PSMC2: variants seen among roughly 807,000 people sequenced by gnomAD.
PSMC2 encodes the protein 26S proteasome regulatory subunit 7.
PSMC2 carries 7 observed loss-of-function variants against 53.3 expected under a neutral mutation model. The observed-to-expected ratio is 0.13, with a 90% CI of 0.07 to 0.25. The LOEUF is 0.25. PSMC2 is among the 10% of genes least tolerant of loss of function. PSMC2 has a pLI of 1.00. For synonymous variants in PSMC2, 169 were observed against 183.9 expected, an observed-to-expected ratio of 0.92 and a Z score of 0.66; for missense variants, 241 against 544.0, an observed-to-expected ratio of 0.44 and a Z score of 5.54.
chr7:103,354,980 T>C (rs780870568), intron 3 of PSMC2, 31 bp downstream of exon 3: 4 of 1,386,204 alleles, frequency 2.9e-6, no homozygotes, highest in South Asian at 2.4e-5. Context: ...ATTTCCTTCC[T>C]TTAAATGTAA....
At chr7:103,353,664 T>C (rs1341322053) in intron 1 of PSMC2, among the ~76,000 whole-genome samples, 2 of 152,240 alleles carry the variant, frequency 1.3e-5, no homozygotes, top group Admixed American at 1.3e-4. Flanking sequence ...TTAATGGATG[T>C]GTTTTATGTA....
At position 103,366,280 on chromosome 7, in the gene PSMC2, CTG is replaced by C. The variant is rs1820714440; in HGVS notation, c.844+118_844+119del. On this transcript the variant is annotated intron_variant, in intron 9 of 11. Coordinates refer to ENST00000292644, the MANE Select transcript of PSMC2 (RefSeq NM_002803.4). Reference sequence around the variant, plus strand: ...TTTAACTCCAACTCTTCTATGAGCTCTGAAACAGTGGCGCCACAGATCTAATA... The same window carrying C: ...TTTAACTCCAACTCTTCTATGAGCTCAAACAGTGGCGCCACAGATCTAATA... 4.6e-6 allele frequency: 4 copies of C among 868,156 alleles called. No homozygotes were observed. The East Asian group carries it at 9.8e-5, about 21-fold the overall frequency. 53.8% of individuals were successfully genotyped at this position (868,156 alleles called of 1,614,324 possible).
In PSMC2 at chr7:103,367,672, T is replaced by C; in HGVS notation, c.1048-41T>C. 1 of 1,607,752 alleles carries C rather than the reference T, an allele frequency of 6.2e-7. No homozygotes were observed. The highest frequency in any genetic ancestry group is 1.7e-5 in the Admixed American group (1 of 58,864). On this transcript the variant is annotated intron_variant, in intron 10 of 11. Transcript: ENST00000292644. This position sits in a 1 kb window ranked among gnomAD's most constrained non-coding sequence, Gnocchi z 6.1. ...TTTTTGAAGTTTTTTCTTCCTGTGA[T>C]TTTTTTCCATTTTAATATTTGTCAA...
chr7:103,362,008 C>T lies in PSMC2; in HGVS notation c.342C>T (p.Asn114=), dbSNP rs146114386. The change falls in exon 5 of 12, where the codon AAC becomes AAT. Residue 114 remains asparagine (N), a synonymous_variant. Transcript: ENST00000292644. The part of the protein sequence containing the change: ...ADSEDPKYII[N]VKQFAKFVVD... ...CGGAGGACCCAAAATACATTATCAA[C>T]GTAAAGCAGTTTGCCAAGTTTGTGG... 427 of 1,613,820 alleles carry T rather than the reference C, an allele frequency of 2.6e-4. 5 individuals carry two copies. In the African/African-American group the frequency reaches 4.3e-3, roughly 16 times the overall value.
chr7:103,357,426 T>A (rs1184573567), intron 4 of PSMC2, among the ~76,000 whole-genome samples: 1 of 152,174 alleles, frequency 6.6e-6, no homozygotes, highest in Non-Finnish European at 1.5e-5. Flanking sequence ...CTTTTTTAGC[T>A]GATTATTTTG....
At chr7:103,364,081 A>T in intron 7 of PSMC2, 62 bp from the exon 8 acceptor site, 1 of 1,493,174 alleles carries the variant, frequency 6.7e-7, no homozygotes, top group Non-Finnish European at 9.1e-7. Context: ...TTGTTGATTT[A>T]GAAGTAGTCT....
At chr7:103,353,853 A>G (rs1819870665) in intron 1 of PSMC2, 68 bp from the exon 2 acceptor site, 33 of 1,319,070 alleles carry the variant, frequency 2.5e-5, no homozygotes, top group Non-Finnish European at 2.2e-6. Flanking sequence ...AAAAAGCTCT[A>G]GTTTCTTTTT....
At chr7:103,364,656 C>A (rs1315033837) in intron 8 of PSMC2, among the ~76,000 whole-genome samples, 3 of 152,122 alleles carry the variant, frequency 2.0e-5, no homozygotes, top group Non-Finnish European at 4.4e-5. Flanking sequence ...GATCCATCTG[C>A]TTTGGCCTCC....
chr7:103,366,085 A>C lies in PSMC2; in HGVS notation c.766A>C (p.Met256Leu). 6.2e-7 allele frequency: 1 copy of C among 1,611,838 alleles called. No individual in the cohort carries two copies. Residue 256 changes from methionine (M) to leucine (L), a missense_variant, in exon 9 of 12, where the codon ATG (methionine) becomes CTG (leucine). This residue lies in a region of PSMC2 where 26 missense variants were observed against 104.7 expected (regional missense o/e 0.25). Transcript: ENST00000292644. ...TCATTTTTCTCATTAGGGGGCTCGA[A>C]TGGTTCGTGAACTCTTTGAAATGGC... ...VQKYVGEGAR[M>L]VRELFEMART... is the part of the protein sequence containing the mutation.
intron 8 of PSMC2, among the ~76,000 whole-genome samples, chr7:103,364,611 G>A (rs918190698): frequency 5.3e-5 from 8 of 152,036 alleles, no homozygotes; most frequent in Admixed American, 4.6e-4. Flanking sequence ...GTTTTACCAT[G>A]TGGCCCAGCT....
At chr7:103,363,557 TGA>T in intron 7 of PSMC2, 118 bp downstream of exon 7, 2 of 890,244 alleles carry the variant, frequency 2.2e-6, no homozygotes, top group Non-Finnish European at 3.5e-6. Context: ...GAGAGTTTTT[TGA>T]GAGGGTGGAG....
chr7:103,363,678 GCA>G (rs1328060494), intron 7 of PSMC2, among the ~76,000 whole-genome samples: 1 of 152,088 alleles, frequency 6.6e-6, no homozygotes, highest in Non-Finnish European at 1.5e-5. Context: ...GACAGAGGAG[GCA>G]CAGTGTAACC....
intron 7 of PSMC2, 139 bp downstream of exon 7, chr7:103,363,578 T>A: frequency 1.4e-6 from 1 of 719,058 alleles, no homozygotes; most frequent in Non-Finnish European, 2.4e-6. Context: ...AGAGAGGAGG[T>A]GTGGAGAGTT....
intron 1 of PSMC2, among the ~76,000 whole-genome samples, chr7:103,348,031 C>CG (rs1819643501): frequency 1.3e-5 from 2 of 152,174 alleles, no homozygotes; most frequent in Admixed American, 1.3e-4. Flanking sequence ...GAAGAAGTCA[C>CG]GCACCCTGCT....
At chr7:103,358,322 G>A (rs1820160309) in intron 4 of PSMC2, among the ~76,000 whole-genome samples, 1 of 151,952 alleles carries the variant, frequency 6.6e-6, no homozygotes, top group Admixed American at 6.6e-5. Context: ...CCTTGGTGTT[G>A]GTCTGTTTTC....
At chr7:103,354,806 C>T in intron 2 of PSMC2, 62 bp from the exon 3 acceptor site, 4 of 1,045,418 alleles carry the variant, frequency 3.8e-6, no homozygotes, top group Non-Finnish European at 5.8e-6. Context: ...TAATTTTTAC[C>T]TGTAGTTTTA....
intron 1 of PSMC2, among the ~76,000 whole-genome samples, chr7:103,353,178 T>C (rs957736895): frequency 1.3e-5 from 2 of 152,200 alleles, no homozygotes; most frequent in Admixed American, 1.3e-4. Context: ...TAAGTGATTT[T>C]TATATAAAAA....
intron 4 of PSMC2, among the ~76,000 whole-genome samples, chr7:103,358,337 A>G (rs925697850): frequency 6.6e-6 from 1 of 152,014 alleles, no homozygotes; most frequent in African/African-American, 2.4e-5. Context: ...GTTTTCATCC[A>G]TTGTCCTGGG....
intron 1 of PSMC2, among the ~76,000 whole-genome samples, chr7:103,348,277 T>C (rs2116108137): frequency 6.6e-6 from 1 of 152,326 alleles, no homozygotes; most frequent in Middle Eastern, 3.4e-3. Flanking sequence ...AGCCACCAAC[T>C]TCTCCACAGA....
Sources: gnomAD v4.1 joint callset for allele counts (sites outside exome capture counted in the v4.1 genomes callset) on GRCh38, gnomAD v4.1.1 for gene constraint, gnomAD v4.1.1 regional missense constraint, Gnocchi (gnomAD v3.1) non-coding constraint, MANE v1.5 for transcripts, NCBI Gene and HGNC (gene_info 2026-07-23, HGNC 2026-07-21) for gene names.